CLNK: variants seen among roughly 807,000 people sequenced by gnomAD.
The protein encoded by CLNK is cytokine-dependent hematopoietic cell linker.
A neutral mutation model predicts 68.6 loss-of-function variants in CLNK; 74 were observed. The observed-to-expected ratio is 1.08, with a 90% CI of 0.89 to 1.31. CLNK has a LOEUF of 1.31. CLNK is among the 50% of genes most tolerant of loss of function. The pLI is 0.00. For missense variants in CLNK, 553 were observed against 515.3 expected (o/e 1.07, Z -0.71); for synonymous variants, 198 against 172.2 (o/e 1.15, Z -1.17).
At chr4:10,606,029 C>T (rs1721774906) in intron 2 of CLNK, among the ~76,000 whole-genome samples, 1 of 151,870 alleles carries the variant, frequency 6.6e-6, no homozygotes, top group African/African-American at 2.4e-5. Context: ...ATTTTAGAAA[C>T]ATTCTTTTCT....
intron 8 of CLNK, among the ~76,000 whole-genome samples, chr4:10,549,288 T>C (rs1185239222): frequency 2.0e-5 from 3 of 152,188 alleles, no homozygotes; most frequent in African/African-American, 7.2e-5. Flanking sequence ...TGAAAAAAAC[T>C]GGATTGAACA....
chr4:10,693,239 C>T, the CLNK span, among the ~76,000 whole-genome samples: 1 of 152,130 alleles, frequency 6.6e-6, no homozygotes, highest in African/African-American at 2.4e-5. Context: ...AAAGACTCTC[C>T]TAAAGAAATA....
At chr4:10,659,134 A>G (rs1395025252) in intron 2 of CLNK, among the ~76,000 whole-genome samples, 1 of 152,078 alleles carries the variant, frequency 6.6e-6, no homozygotes, top group Non-Finnish European at 1.5e-5. Flanking sequence ...AACCCGGGAG[A>G]AGGTTGCAAT....
chr4:10,625,549 G>A (rs1449085151), intron 2 of CLNK, among the ~76,000 whole-genome samples: 2 of 152,154 alleles, frequency 1.3e-5, no homozygotes, highest in Non-Finnish European at 2.9e-5. Flanking sequence ...GTGTAAGAGG[G>A]AGAGACAGAG....
intron 2 of CLNK, among the ~76,000 whole-genome samples, chr4:10,619,637 G>C (rs1284295325): frequency 6.6e-6 from 1 of 152,034 alleles, no homozygotes; most frequent in African/African-American, 2.4e-5. Context: ...AAAAGGGAAA[G>C]GAAAAGGGAC....
intron 2 of CLNK, among the ~76,000 whole-genome samples, chr4:10,614,866 G>T (rs544206355): frequency 6.6e-6 from 1 of 152,288 alleles, no homozygotes; most frequent in East Asian, 1.9e-4. Context: ...ATCAGTTCTG[G>T]GTGCACTAAT....
chr4:10,554,474 A>G (rs1719584631), intron 8 of CLNK, among the ~76,000 whole-genome samples: 1 of 152,214 alleles, frequency 6.6e-6, no homozygotes, highest in Non-Finnish European at 1.5e-5. Context: ...ATCAGAAAAT[A>G]AATTTGTTAT....
At chr4:10,566,225 G>A in intron 5 of CLNK, 75 bp from the exon 6 acceptor site, 1 of 1,434,090 alleles carries the variant, frequency 7.0e-7, no homozygotes, top group Non-Finnish European at 9.5e-7. Context: ...GTGCTGGCTA[G>A]AGAAATGGGG....
chr4:10,676,448 T>C (rs369694466), intron 1 of CLNK, among the ~76,000 whole-genome samples: 3 of 150,828 alleles, frequency 2.0e-5, no homozygotes, highest in African/African-American at 7.3e-5. Flanking sequence ...TTTCTGCTAT[T>C]ATGTATGGCA....
intron 2 of CLNK, among the ~76,000 whole-genome samples, chr4:10,620,920 G>A (rs1387542536): frequency 6.8e-6 from 1 of 147,940 alleles, no homozygotes; most frequent in African/African-American, 2.5e-5. Context: ...GGCTAACATG[G>A]TGAAGCCCCG....
chr4:10,566,796 C>T (rs1720132879), intron 5 of CLNK, among the ~76,000 whole-genome samples: 1 of 151,932 alleles, frequency 6.6e-6, no homozygotes. Context: ...ACAGCCTGGG[C>T]AACAGAGTGA....
chr4:10,682,034 TC>T (rs1282423537), intron 1 of CLNK, among the ~76,000 whole-genome samples: 3 of 152,068 alleles, frequency 2.0e-5, no homozygotes, highest in Non-Finnish European at 4.4e-5. Context: ...CAATAATGAT[TC>T]CCAAATATTC....
At chr4:10,589,477 G>T (rs1577150459) in intron 3 of CLNK, among the ~76,000 whole-genome samples, 1 of 152,288 alleles carries the variant, frequency 6.6e-6, no homozygotes, top group East Asian at 1.9e-4. Context: ...CCGGGATTAT[G>T]CACCCTGGGG....
chr4:10,531,678 T>C (rs1409391642), intron 12 of CLNK: 1 of 455,098 alleles, frequency 2.2e-6, no homozygotes, highest in Admixed American at 2.4e-5. Context: ...TGACCTCAGG[T>C]GATCCGCCCA....
At chr4:10,621,418 C>G (rs1287212880) in intron 2 of CLNK, among the ~76,000 whole-genome samples, 3 of 152,144 alleles carry the variant, frequency 2.0e-5, no homozygotes, top group Non-Finnish European at 2.9e-5. Context: ...ATCATTCAAT[C>G]AAAGAAAACT....
At chr4:10,491,931 C>T (rs1394343189) in intron 18 of CLNK, among the ~76,000 whole-genome samples, 2 of 152,152 alleles carry the variant, frequency 1.3e-5, no homozygotes, top group African/African-American at 4.8e-5. Flanking sequence ...CCCCTTCTCA[C>T]CCTCTCCCTC....
chr4:10,593,665 A>G (rs1234852620), intron 3 of CLNK, among the ~76,000 whole-genome samples: 2 of 152,064 alleles, frequency 1.3e-5, no homozygotes, highest in Non-Finnish European at 2.9e-5. Context: ...AAACAAAACA[A>G]AACAAAACAA....
At chr4:10,712,135 T>C in the CLNK span, among the ~76,000 whole-genome samples, 2 of 152,182 alleles carry the variant, frequency 1.3e-5, no homozygotes, top group Admixed American at 6.5e-5. Context: ...TTTGAATATA[T>C]ATTTTTGGAA....
intron 2 of CLNK, among the ~76,000 whole-genome samples, chr4:10,643,009 C>G (rs1723369190): frequency 1.3e-5 from 2 of 152,164 alleles, no homozygotes; most frequent in South Asian, 4.1e-4. Flanking sequence ...CGCACACATA[C>G]AGACAGACAG....
Sources: allele counts gnomAD v4.1 joint callset (sites outside exome capture counted in the v4.1 genomes callset), GRCh38; gene constraint gnomAD v4.1.1; transcripts MANE v1.5; gene names NCBI Gene and HGNC (gene_info 2026-07-23, HGNC 2026-07-21).